MYH15: variants seen among roughly 807,000 people sequenced by gnomAD.
MYH15 encodes the protein myosin heavy chain 15, also known as myosin-15.
In MYH15, 227 loss-of-function variants were observed where a neutral mutation model predicts 240.5. The ratio of observed to expected loss-of-function variants is 0.94; its 90% CI spans 0.85 to 1.05. MYH15 has a LOEUF of 1.05. MYH15 is among the 50% of genes least tolerant of loss of function. MYH15 has a pLI of 0.00. For missense variants in MYH15, 2,217 were observed against 2,247.5 expected (o/e 0.99, Z 0.27); for synonymous variants, 785 against 796.7 (o/e 0.99, Z 0.25).
In MYH15 at chr3:108,500,305, C is replaced by G. The variant is rs752218991; in HGVS notation, c.340-31G>C. ...GGAAAATCAGAAAAGATTTCAGAAA[C>G]TAGATTAGAAATACTTCCAGGTTTG... On this transcript the variant is annotated intron_variant, in intron 3 of 40. Coordinates refer to ENST00000693548, the MANE Select transcript of MYH15 (RefSeq NM_014981.3). The G allele has an allele frequency of 1.8e-5, 29 of 1,588,072 alleles. No individual in the cohort carries two copies. The African/African-American group carries it at 3.8e-4, about 21-fold the overall frequency.
chr3:108,546,910 G>C, the MYH15 span, among the ~76,000 whole-genome samples: 7 of 152,106 alleles, frequency 4.6e-5, no homozygotes, highest in Admixed American at 4.6e-4. Flanking sequence ...CAGTGAGACT[G>C]TGTAAGGTTT....
At chr3:108,426,151 G>T (rs1441957161) in intron 27 of MYH15, among the ~76,000 whole-genome samples, 4 of 148,628 alleles carry the variant, frequency 2.7e-5, no homozygotes, top group African/African-American at 9.9e-5. Flanking sequence ...AGAATTGAAA[G>T]ATTTAGAAAA....
chr3:108,535,039 G>T, the MYH15 span, among the ~76,000 whole-genome samples: 1 of 152,094 alleles, frequency 6.6e-6, no homozygotes, highest in Non-Finnish European at 1.5e-5. Flanking sequence ...ACCAACTGGG[G>T]TCTATTATCT....
At chr3:108,519,163 A>G (rs762875802) in intron 1 of MYH15, among the ~76,000 whole-genome samples, 1 of 152,182 alleles carries the variant, frequency 6.6e-6, no homozygotes, top group East Asian at 1.9e-4. Flanking sequence ...TACAGGCAAC[A>G]TGTCCTTGGT....
chr3:108,498,047 C>T lies in MYH15; in HGVS notation c.618+5G>A. 1 of 1,613,350 alleles carries T rather than the reference C, an allele frequency of 6.2e-7. No homozygotes were observed. The highest frequency in any genetic ancestry group is 1.1e-5 in the South Asian group (1 of 91,060). On this transcript the variant is annotated splice_donor_5th_base_variant and intron_variant, in intron 6 of 40. Transcript: ENST00000693548. ...TCTTTTCTACCAAGCTATATAAACA[C>T]TTACCTGCTTTTTCCTGGATTCAAT... is the stretch of plus-strand genomic sequence containing the variant.
At chr3:108,517,490 G>A (rs9876761) in intron 1 of MYH15, among the ~76,000 whole-genome samples, 2,911 of 152,160 alleles carry the variant, frequency 0.019, 104 homozygotes, top group African/African-American at 0.067. Context: ...CCAACACCAT[G>A]AATGGCTAAT....
chr3:108,385,427 A>G (rs568178275), intron 38 of MYH15, among the ~76,000 whole-genome samples: 11 of 152,176 alleles, frequency 7.2e-5, no homozygotes, highest in Non-Finnish European at 1.0e-4. Flanking sequence ...GCCCATTCTC[A>G]TTGCCTCAAT....
chr3:108,498,565 G>A (rs2083412246), intron 5 of MYH15, among the ~76,000 whole-genome samples: 1 of 152,120 alleles, frequency 6.6e-6, no homozygotes, highest in South Asian at 2.1e-4. Context: ...CAGGCAGTTG[G>A]GCTTTAGGCT....
At chr3:108,507,619 T>G (rs1037858164) in intron 1 of MYH15, among the ~76,000 whole-genome samples, 2 of 152,220 alleles carry the variant, frequency 1.3e-5, no homozygotes, top group African/African-American at 4.8e-5. Context: ...TGCTTGTTTC[T>G]GCAAAGAATT....
chr3:108,408,460 T>C (rs1215317478), intron 31 of MYH15, 56 bp from the exon 32 acceptor site: 14 of 1,530,320 alleles, frequency 9.1e-6, no homozygotes, highest in African/African-American at 4.1e-5. Flanking sequence ...CTCAAACCAA[T>C]GATACCAGGC....
chr3:108,482,465 T>C (rs1303009947), intron 11 of MYH15, among the ~76,000 whole-genome samples: 2 of 152,210 alleles, frequency 1.3e-5, no homozygotes, highest in Non-Finnish European at 2.9e-5. Flanking sequence ...TCTGTGTTTT[T>C]TGATTTATCA....
At chr3:108,497,397 A>G (rs972981257) in intron 6 of MYH15, among the ~76,000 whole-genome samples, 1 of 152,088 alleles carries the variant, frequency 6.6e-6, no homozygotes. Context: ...TCAATAACTC[A>G]TTGATTTTGA....
At position 108,441,126 on chromosome 3, in the gene MYH15, G is replaced by A. The variant is rs2082881456; in HGVS notation, c.2790C>T (p.Ala930=). ...EEEEINSELT[A]RGRKLEDECF... is the part of the protein sequence containing the mutation. The stretch of plus-strand genomic sequence containing the variant: ...ATTCATCTTCGAGTTTCCGCCCCCT[G>A]GCAGTCAGCTCAGAATTTATCTCCT... Residue 930 remains alanine, a synonymous_variant, in exon 23 of 41, where the codon GCC becomes GCT. Transcript: ENST00000693548. The A allele has an allele frequency of 3.7e-6, 6 of 1,614,110 alleles. 1 individual carries two copies. The highest frequency in any genetic ancestry group is 1.3e-5 in the African/African-American group (1 of 75,026).
At chr3:108,427,598 GACACACACACACACACACAACAC>G (rs141460897) in intron 27 of MYH15, among the ~76,000 whole-genome samples, 5 of 142,680 alleles carry the variant, frequency 3.5e-5, no homozygotes, top group African/African-American at 7.9e-5. Context: ...AATGGACTAA[GACACACACACACACACACAACAC>G]ACACACACAC....
chr3:108,404,203 G>A (rs1296794032), intron 33 of MYH15, among the ~76,000 whole-genome samples: 4 of 152,070 alleles, frequency 2.6e-5, no homozygotes, highest in Non-Finnish European at 5.9e-5. Flanking sequence ...AAAGCACATA[G>A]AAGGCCAAAT....
At chr3:108,482,954 G>T (rs547572608) in intron 11 of MYH15, among the ~76,000 whole-genome samples, 13 of 152,154 alleles carry the variant, frequency 8.5e-5, no homozygotes, top group Admixed American at 5.2e-4. Context: ...CAGCACTTTG[G>T]GAGGCCGAGG....
At chr3:108,461,853 C>G (rs953571617) in intron 16 of MYH15, 13 of 152,110 alleles carry the variant, frequency 8.5e-5, no homozygotes, top group Non-Finnish European at 1.3e-4. Context: ...TTCCCTATGT[C>G]AGTCGAGAGA....
At chr3:108,397,262 G>C (rs1043610198) in intron 35 of MYH15, among the ~76,000 whole-genome samples, 6 of 152,094 alleles carry the variant, frequency 3.9e-5, no homozygotes, top group Non-Finnish European at 1.5e-5. Flanking sequence ...CATGATTTCT[G>C]ATCCTTCTGG....
rs1240920481 is a variant in MYH15, at chr3:108,505,843, A to G, written c.89-14T>C. ...ATTTCTTCTTCCCTGTAGAGCAAAAAAAAAAAAAAATGGATTATAGCTATA... is the reference window on the plus strand; with the variant it reads ...ATTTCTTCTTCCCTGTAGAGCAAAAGAAAAAAAAAATGGATTATAGCTATA... On this transcript the variant is annotated splice_polypyrimidine_tract_variant and intron_variant, in intron 1 of 40. Transcript: ENST00000693548. The G allele has an allele frequency of 3.9e-6, 6 of 1,535,032 alleles. No individual in the cohort carries two copies. Among genetic ancestry groups the G allele is most frequent in the Non-Finnish European group, 4.5e-6 (5 of 1,119,320 alleles).
Sources: gnomAD v4.1 joint callset for allele counts (sites outside exome capture counted in the v4.1 genomes callset) on GRCh38, gnomAD v4.1.1 for gene constraint, MANE v1.5 for transcripts, NCBI Gene and HGNC (gene_info 2026-07-23, HGNC 2026-07-21) for gene names.